The following GUCY1A2 variants were observed in gnomAD, a reference collection of about 807,000 sequenced individuals.
GUCY1A2 encodes guanylate cyclase 1 soluble subunit alpha 2, also known as guanylate cyclase soluble subunit alpha-2.
A neutral mutation model predicts 63.5 loss-of-function variants in GUCY1A2; 27 were observed. That is an observed-to-expected ratio of 0.43 (90% CI 0.31 to 0.59). GUCY1A2 has a LOEUF of 0.59. GUCY1A2 is among the 20% of genes least tolerant of loss of function. The probability of loss-of-function intolerance (pLI) is 0.11; values close to 1 mark genes in which losing one functional copy is unlikely to be tolerated. For missense variants in GUCY1A2, 768 were observed against 913.3 expected, an observed-to-expected ratio of 0.84 and a Z score of 2.05; for synonymous variants, 364 against 343.5, an observed-to-expected ratio of 1.06 and a Z score of -0.66.
At chr11:106,705,876 A>G (rs1245739943) in intron 7 of GUCY1A2, among the ~76,000 whole-genome samples, 1 of 152,044 alleles carries the variant, frequency 6.6e-6, no homozygotes, top group Non-Finnish European at 1.5e-5. Context: ...AGAAGGAAAA[A>G]CAAAACACGG....
At chr11:106,887,768 T>A (rs773104489) in intron 4 of GUCY1A2, among the ~76,000 whole-genome samples, 2 of 152,160 alleles carry the variant, frequency 1.3e-5, no homozygotes, top group Admixed American at 6.5e-5. Flanking sequence ...TTGACAGAGA[T>A]GAAGATGCTT....
intron 5 of GUCY1A2, among the ~76,000 whole-genome samples, chr11:106,808,566 T>C (rs527620632): frequency 6.6e-6 from 1 of 152,256 alleles, no homozygotes; most frequent in African/African-American, 2.4e-5. Context: ...TCCCATGTTT[T>C]TTCCAGAGAA....
chr11:106,946,988 G>A (rs924401226), intron 3 of GUCY1A2, among the ~76,000 whole-genome samples: 1 of 152,114 alleles, frequency 6.6e-6, no homozygotes, highest in Non-Finnish European at 1.5e-5. Context: ...GGAGGCCGAG[G>A]CGGGTGGATA....
chr11:106,967,782 G>A (rs1280409588), intron 3 of GUCY1A2, among the ~76,000 whole-genome samples: 1 of 149,116 alleles, frequency 6.7e-6, no homozygotes, highest in African/African-American at 2.5e-5. Flanking sequence ...GAAGCAGGAA[G>A]GGAGGGAGGG....
chr11:106,969,162 T>C (rs1861163343), intron 3 of GUCY1A2, among the ~76,000 whole-genome samples: 1 of 152,198 alleles, frequency 6.6e-6, no homozygotes, highest in Admixed American at 6.5e-5. Flanking sequence ...GTAACATCTT[T>C]ATTGTGACAC....
intron 2 of GUCY1A2, among the ~76,000 whole-genome samples, chr11:106,985,727 C>T (rs1470137910): frequency 6.6e-6 from 1 of 152,154 alleles, no homozygotes; most frequent in African/African-American, 2.4e-5. Flanking sequence ...TCTAAAATCC[C>T]ATTCAAAGCA....
intron 7 of GUCY1A2, among the ~76,000 whole-genome samples, chr11:106,695,398 T>A (rs1340993466): frequency 6.6e-6 from 1 of 152,188 alleles, no homozygotes; most frequent in Admixed American, 6.6e-5. Context: ...TCTGAATATC[T>A]TTTTTTGCTA....
intron 5 of GUCY1A2, among the ~76,000 whole-genome samples, chr11:106,791,256 C>T (rs962107774): frequency 4.6e-5 from 7 of 152,190 alleles, no homozygotes; most frequent in African/African-American, 1.7e-4. Context: ...TATGACAGGA[C>T]AGCACTGAGT....
At chr11:106,887,424 CTCTAAAT>C (rs1343923975) in intron 4 of GUCY1A2, among the ~76,000 whole-genome samples, 2 of 152,120 alleles carry the variant, frequency 1.3e-5, no homozygotes, top group African/African-American at 4.8e-5. Context: ...CTTACATGGC[CTCTAAAT>C]TTAGATAATG....
chr11:106,986,241 T>C (rs1861399732), intron 1 of GUCY1A2, 110 bp from the exon 2 acceptor site: 2 of 652,570 alleles, frequency 3.1e-6, no homozygotes, highest in Non-Finnish European at 5.4e-6. Flanking sequence ...CTTGAGAGTT[T>C]TCCTTCTACA....
At position 106,986,078 on chromosome 11, in the gene GUCY1A2, T is replaced by G; in HGVS notation, c.357A>C (p.Gln119His). The G allele has an allele frequency of 6.9e-7, 1 of 1,443,360 alleles. No homozygotes were observed. The highest frequency in any genetic ancestry group is 9.8e-7 in the Non-Finnish European group (1 of 1,024,302). The allele number at this position is 1,443,360 out of a possible 1,614,324, so 89.4% of individuals were successfully genotyped here. ...LKRTLQYYEH[Q>H]VIGYRDAEKN... ...AATCAATTTTTACTTACCCAATAAC[T>G]TGATGTTCATAATACTGCAGTGTCC... Residue 119 changes from glutamine to histidine, a missense_variant, in exon 2 of 8, where the codon CAA (glutamine) becomes CAC (histidine). Physicochemically the swap from Gln to His is conservative, Grantham distance 24. Transcript: ENST00000526355.
chr11:106,694,251 C>T (rs1346021427), intron 7 of GUCY1A2, among the ~76,000 whole-genome samples: 1 of 152,066 alleles, frequency 6.6e-6, no homozygotes, highest in Non-Finnish European at 1.5e-5. Flanking sequence ...TTATTTAATC[C>T]TCCCATATTT....
In GUCY1A2 at chr11:106,684,680, A is replaced by T. The variant is rs1269562394; in HGVS notation, c.*2869T>A. The T allele has an allele frequency of 4.9e-6, 1 of 202,554 alleles. No individual in the cohort carries two copies. The highest frequency in any genetic ancestry group is 2.3e-5 in the African/African-American group (1 of 43,674). The allele number at this position is 202,554 out of a possible 1,614,324, so 12.5% of individuals were successfully genotyped here. Reference sequence around the variant, plus strand: ...AAAAGAATATTAAAATGCAAGAGCTATAGGTGCCAAATTATATTTTAAAGT... The same window carrying T: ...AAAAGAATATTAAAATGCAAGAGCTTTAGGTGCCAAATTATATTTTAAAGT... On this transcript the variant is annotated 3_prime_UTR_variant, in exon 8 of 8. Transcript: ENST00000526355.
intron 4 of GUCY1A2, among the ~76,000 whole-genome samples, chr11:106,909,355 C>CTGTGTG (rs59067320): frequency 0.25 from 29,761 of 119,904 alleles, 4,287 homozygotes; most frequent in East Asian, 0.37. Context: ...TGGTACTCAT[C>CTGTGTG]TGTGTGTGTG....
intron 4 of GUCY1A2, among the ~76,000 whole-genome samples, chr11:106,915,792 T>A (rs1385700016): frequency 1.4e-5 from 2 of 145,306 alleles, no homozygotes; most frequent in Non-Finnish European, 3.1e-5. Flanking sequence ...TTGTGCATTT[T>A]AAATCTCATA....
intron 3 of GUCY1A2, among the ~76,000 whole-genome samples, chr11:106,958,983 C>G (rs1861025648): frequency 6.6e-6 from 1 of 152,130 alleles, no homozygotes; most frequent in East Asian, 1.9e-4. Context: ...AAATGAGTAT[C>G]AGTGGTGCAT....
intron 6 of GUCY1A2, among the ~76,000 whole-genome samples, chr11:106,722,423 G>A (rs1312104635): frequency 2.0e-5 from 3 of 151,934 alleles, no homozygotes; most frequent in African/African-American, 7.2e-5. Flanking sequence ...TCTTGGTAGT[G>A]GGGTCTAAAA....
intron 3 of GUCY1A2, among the ~76,000 whole-genome samples, chr11:106,966,536 A>G (rs1006099011): frequency 2.6e-5 from 4 of 152,234 alleles, no homozygotes; most frequent in Non-Finnish European, 4.4e-5. Flanking sequence ...TACCTAGAAC[A>G]GTACCCAAAA....
chr11:106,907,306 G>C (rs530618585), intron 4 of GUCY1A2, among the ~76,000 whole-genome samples: 36 of 151,924 alleles, frequency 2.4e-4, no homozygotes, highest in Non-Finnish European at 1.9e-4. Flanking sequence ...TACATTCATT[G>C]TATTAGGAGA....
Sources: allele counts gnomAD v4.1 joint callset (sites outside exome capture counted in the v4.1 genomes callset), GRCh38; gene constraint gnomAD v4.1.1; transcripts MANE v1.5; gene names NCBI Gene and HGNC (gene_info 2026-07-23, HGNC 2026-07-21).